Variants in ZFHX3 observed in about 807,000 individuals in gnomAD.
ZFHX3 encodes zinc finger homeobox 3, also known as zinc finger homeobox protein 3.
Under a neutral mutation model 279.1 loss-of-function variants are expected in ZFHX3, and 42 were observed. The observed-to-expected ratio is 0.15, with a 90% confidence interval of 0.12 to 0.19. The LOEUF is 0.19. Among genes scored for constraint, ZFHX3 ranks in the 10% least tolerant of loss-of-function variants. ZFHX3 has a pLI of 1.00. For missense variants in ZFHX3, 4,981 were observed against 4,754.0 expected, an observed-to-expected ratio of 1.05 and a Z score of -1.40; for synonymous variants, 2,293 against 1,957.8, an observed-to-expected ratio of 1.17 and a Z score of -4.52.
intron 3 of ZFHX3, among the ~76,000 whole-genome samples, chr16:73,410,491 T>C (rs760827808): frequency 1.3e-5 from 2 of 152,212 alleles, no homozygotes; most frequent in Non-Finnish European, 2.9e-5. Context: ...AAAGGCTAAA[T>C]GCATGAGGTG....
chr16:73,482,855 CG>C (rs1425776717), intron 2 of ZFHX3, among the ~76,000 whole-genome samples: 1 of 152,134 alleles, frequency 6.6e-6, no homozygotes, highest in Non-Finnish European at 1.5e-5. Flanking sequence ...CTCACTTATT[CG>C]CTTTAACAAA....
At chr16:73,452,228 A>G (rs1396488424) in intron 3 of ZFHX3, among the ~76,000 whole-genome samples, 1 of 152,222 alleles carries the variant, frequency 6.6e-6, no homozygotes, top group East Asian at 1.9e-4. Context: ...TATGGTGAAC[A>G]GATTTCTCCA....
intron 1 of ZFHX3, among the ~76,000 whole-genome samples, chr16:72,976,471 C>A (rs1962351859): frequency 6.6e-6 from 1 of 152,190 alleles, no homozygotes; most frequent in South Asian, 2.1e-4. Flanking sequence ...GATTTTTATT[C>A]ATTCGTGCCA....
intron 4 of ZFHX3, among the ~76,000 whole-genome samples, chr16:72,870,400 T>TA (rs941216846): frequency 4.7e-5 from 6 of 126,552 alleles, no homozygotes; most frequent in African/African-American, 9.0e-5. Context: ...ACCCTGTCTT[T>TA]AAAAAAAAAG....
rs148425769 is a variant in ZFHX3 at position 73,288,861 on chromosome 16, G to T, written c.-1194+29379C>A. ...GAAACTGCAGAAATGTCAATGCGGG[G>T]TCTAAGCCACCAATCGGAGAGCGGC... On this transcript the variant is annotated intron_variant, in intron 4 of 17. Coordinates refer to the ZFHX3 transcript ENST00000641206. Among the ~76,000 whole-genome samples, 24 of 151,686 alleles carry T rather than the reference G, an allele frequency of 1.6e-4. No individual in the cohort carries two copies. The East Asian group carries it at 4.7e-3, about 30-fold the overall frequency.
At chr16:73,276,541 T>A (rs899479892) in intron 4 of ZFHX3, among the ~76,000 whole-genome samples, 2 of 152,206 alleles carry the variant, frequency 1.3e-5, no homozygotes. Flanking sequence ...TTACATAATA[T>A]TGAAAACAAT....
At chr16:73,633,305 A>G (rs1057027735) in intron 2 of ZFHX3, among the ~76,000 whole-genome samples, 3 of 152,236 alleles carry the variant, frequency 2.0e-5, no homozygotes, top group Admixed American at 6.5e-5. Flanking sequence ...ATGACTGGCC[A>G]AAAAACATGA....
rs766735887 is a variant in ZFHX3, at chr16:72,959,972, A to G, written c.174T>C (p.Asn58=). The G allele has an allele frequency of 1.2e-6, 2 of 1,611,312 alleles. No homozygotes were observed. Among genetic ancestry groups the G allele is most frequent in the African/African-American group, 2.7e-5 (2 of 74,826 alleles). ...GPLDSLRAPF[N]ERLAESTASA... ...ACGCGGTGCTCTCCGCGAGGCGCTC[A>G]TTGAAGGGGGCCCTCAGGCTGTCCA... The change falls in exon 2 of 10, where the codon AAT becomes AAC. Residue 58 remains asparagine, a synonymous_variant. Coordinates refer to ENST00000268489, the MANE Select transcript of ZFHX3 (RefSeq NM_006885.4).
At chr16:73,598,127 G>A (rs1163815417) in intron 2 of ZFHX3, among the ~76,000 whole-genome samples, 1 of 152,158 alleles carries the variant, frequency 6.6e-6, no homozygotes, top group East Asian at 1.9e-4. Flanking sequence ...GGATTCCAGT[G>A]CAGTTCAGAA....
chr16:73,517,453 C>T (rs191109899), intron 2 of ZFHX3, among the ~76,000 whole-genome samples: 66 of 152,282 alleles, frequency 4.3e-4, no homozygotes, highest in Middle Eastern at 6.8e-3. Context: ...TCCCATCTAC[C>T]TTTCAAATGC....
At chr16:73,248,729 T>C (rs1806333356) in intron 5 of ZFHX3, among the ~76,000 whole-genome samples, 1 of 151,994 alleles carries the variant, frequency 6.6e-6, no homozygotes, top group African/African-American at 2.4e-5. Context: ...ATGTGCTGAG[T>C]ATGCACTAGA....
At chr16:73,168,965 C>T (rs1310256456) in intron 5 of ZFHX3, among the ~76,000 whole-genome samples, 2 of 152,208 alleles carry the variant, frequency 1.3e-5, no homozygotes, top group African/African-American at 2.4e-5. Flanking sequence ...TTATCTGCGA[C>T]TCCAAACTTC....
intron 5 of ZFHX3, among the ~76,000 whole-genome samples, chr16:73,164,791 C>T (rs984381193): frequency 2.6e-5 from 4 of 151,808 alleles, no homozygotes; most frequent in African/African-American, 9.7e-5. Context: ...ACCAAGCATT[C>T]TCATTAATGC....
At chr16:73,083,021 T>TAAAA (rs71156139) in intron 8 of ZFHX3, among the ~76,000 whole-genome samples, 3 of 132,042 alleles carry the variant, frequency 2.3e-5, no homozygotes, top group African/African-American at 9.3e-5. Flanking sequence ...CCATCTCTAC[T>TAAAA]AAAAAAAAAA....
At chr16:73,776,029 C>T (rs400223) in intron 1 of ZFHX3, among the ~76,000 whole-genome samples, 90,621 of 152,120 alleles carry the variant, frequency 0.6, 28,817 homozygotes, top group African/African-American at 0.83. Context: ...GGCTCTTAAA[C>T]TCCTGCAGAC....
chr16:73,814,429 G>A (rs1010586120), intron 1 of ZFHX3, among the ~76,000 whole-genome samples: 7 of 152,268 alleles, frequency 4.6e-5, no homozygotes, highest in South Asian at 2.1e-4. Flanking sequence ...AAAAGTAATC[G>A]TGGGTCTTTC....
At chr16:73,166,565 G>T (rs982058291) in intron 5 of ZFHX3, among the ~76,000 whole-genome samples, 7 of 152,112 alleles carry the variant, frequency 4.6e-5, no homozygotes, top group Admixed American at 6.6e-5. Flanking sequence ...GCAAGAGCAC[G>T]GGGCAGCATT....
intron 5 of ZFHX3, among the ~76,000 whole-genome samples, chr16:73,199,347 A>G (rs754155515): frequency 1.3e-5 from 2 of 152,230 alleles, no homozygotes; most frequent in Non-Finnish European, 2.9e-5. Context: ...GATAAAATGC[A>G]TGGTTGTCTA....
Position 72,798,009 on chromosome 16 carries a change from T to C in ZFHX3, c.4673A>G (p.Asn1558Ser). ...AGAATTGTAGTGTACTAGCAGGATA[T>C]TCTTTTGAGTGAAAGATTCCTTGCA... ...TVCKESFTQK[N>S]ILLVHYNSVS... The change falls in exon 9 of 10, where the codon AAT becomes AGT. Residue 1558 changes from asparagine (N) to serine (S), a missense_variant. By Grantham distance (46) the Asn-to-Ser change is conservative. Around this residue, in one of 7 missense-constraint regions of ZFHX3, gnomAD observed 1,751 missense variants for 1,770.0 expected, o/e 0.99. Coordinates refer to ENST00000268489, the MANE Select transcript of ZFHX3 (RefSeq NM_006885.4). 6.2e-7 allele frequency: 1 copy of C among 1,614,216 alleles called. No individual in the cohort carries two copies. The highest frequency in any genetic ancestry group is 8.5e-7 in the Non-Finnish European group (1 of 1,180,044).
Sources: allele counts gnomAD v4.1 joint callset (sites outside exome capture counted in the v4.1 genomes callset), GRCh38; gene constraint gnomAD v4.1.1; regional missense constraint gnomAD v4.1.1; transcripts MANE v1.5; gene names NCBI Gene and HGNC (gene_info 2026-07-23, HGNC 2026-07-21).